The following CSMD1 variants were observed in gnomAD, a reference collection of about 807,000 sequenced individuals.
CSMD1 encodes CUB and Sushi multiple domains 1, also known as CUB and sushi domain-containing protein 1.
CSMD1 carries 213 observed loss-of-function variants against 417.5 expected under a neutral mutation model. The observed-to-expected ratio is 0.51, with a 90% CI of 0.46 to 0.57. The LOEUF is 0.57. CSMD1 is among the 20% of genes least tolerant of loss of function. The pLI is 0.00. For missense variants in CSMD1, 6,923 were observed against 4,529.7 expected (o/e 1.53, Z -15.17); for synonymous variants, 2,862 against 1,736.8 (o/e 1.65, Z -16.11).
chr8:4,849,150 G>C (rs192568937), intron 1 of CSMD1, among the ~76,000 whole-genome samples: 32 of 152,166 alleles, frequency 2.1e-4, no homozygotes, highest in African/African-American at 7.2e-4. Flanking sequence ...TTGTGTCTTA[G>C]CTTTTAACAA....
chr8:3,616,199 A>C (rs2019886), intron 8 of CSMD1, among the ~76,000 whole-genome samples: 77,140 of 151,992 alleles, frequency 0.51, 19,910 homozygotes, highest in Middle Eastern at 0.59. Context: ...TAGCATCCAT[A>C]ATCTCCACAT....
At chr8:4,402,183 CA>C (rs1235479764) in intron 3 of CSMD1, among the ~76,000 whole-genome samples, 2 of 152,108 alleles carry the variant, frequency 1.3e-5, no homozygotes, top group African/African-American at 4.8e-5. Flanking sequence ...TCTACTTCTC[CA>C]AAATTGCGAC....
chr8:3,276,431 T>A (rs543730378), intron 26 of CSMD1, among the ~76,000 whole-genome samples: 7 of 152,314 alleles, frequency 4.6e-5, no homozygotes, highest in Non-Finnish European at 8.8e-5. Flanking sequence ...CGACTGCAAG[T>A]CACATCTTAC....
intron 5 of CSMD1, among the ~76,000 whole-genome samples, chr8:3,991,373 T>G (rs143596618): frequency 5.4e-4 from 83 of 152,304 alleles, no homozygotes; most frequent in Middle Eastern, 3.4e-3. Context: ...AAGACTTCAG[T>G]GCGTCACGGT....
intron 5 of CSMD1, among the ~76,000 whole-genome samples, chr8:3,948,256 G>T (rs933370141): frequency 1.3e-5 from 2 of 152,004 alleles, no homozygotes; most frequent in Admixed American, 6.6e-5. Flanking sequence ...CATAGTATGT[G>T]CTATATATAT....
chr8:3,894,652 A>C (rs1048588300), intron 5 of CSMD1, among the ~76,000 whole-genome samples: 5 of 152,196 alleles, frequency 3.3e-5, no homozygotes, highest in African/African-American at 1.2e-4. Flanking sequence ...CTTCACTATT[A>C]ACCTAACAAG....
intron 4 of CSMD1, among the ~76,000 whole-genome samples, chr8:4,016,288 AG>A: frequency 6.6e-6 from 1 of 152,250 alleles, no homozygotes; most frequent in South Asian, 2.1e-4. Flanking sequence ...AGATTCCAGT[AG>A]ATGGAAATAG....
chr8:4,527,637 A>G (rs115517691), intron 2 of CSMD1, among the ~76,000 whole-genome samples: 163 of 152,318 alleles, frequency 1.1e-3, no homozygotes, highest in African/African-American at 3.7e-3. Flanking sequence ...TCCCAGAACT[A>G]TAGATAAAAT....
In CSMD1 at chr8:4,493,659, T is replaced by C. The variant is rs544876903; in HGVS notation, c.303-73594A>G. 9.8e-5 allele frequency among the ~76,000 whole-genome samples: 15 copies of C among 152,322 alleles called. No homozygotes were observed. The South Asian group carries it at 1.2e-3, about 13-fold the overall frequency. ...GGAGTGAGCTATGAGCGTGCCAATG[T>C]ACTCCAGATCGAGTGAGAGAGTGCA... On this transcript the variant is annotated intron_variant, in intron 2 of 69. Transcript: ENST00000635120.
intron 5 of CSMD1, among the ~76,000 whole-genome samples, chr8:3,885,850 G>C (rs1401322187): frequency 6.6e-6 from 1 of 152,068 alleles, no homozygotes; most frequent in African/African-American, 2.4e-5. Flanking sequence ...ACGTCTCTGT[G>C]AACAAAACAA....
chr8:3,963,062 C>A (rs1215623195), intron 5 of CSMD1, among the ~76,000 whole-genome samples: 1 of 152,010 alleles, frequency 6.6e-6, no homozygotes. Flanking sequence ...TCAGGAGTAG[C>A]TGAGATTACA....
chr8:3,944,298 AG>A (rs1563238064), intron 5 of CSMD1, among the ~76,000 whole-genome samples: 1 of 152,120 alleles, frequency 6.6e-6, no homozygotes, highest in Non-Finnish European at 1.5e-5. Flanking sequence ...TGTCAGTTTG[AG>A]CCCCGGATAA....
chr8:3,561,541 T>G (rs565760576), intron 10 of CSMD1, among the ~76,000 whole-genome samples: 1 of 152,152 alleles, frequency 6.6e-6, no homozygotes, highest in Non-Finnish European at 1.5e-5. Flanking sequence ...AAATACCACA[T>G]GTTCTCGATT....
chr8:4,269,318 C>A (rs570268649), intron 3 of CSMD1, among the ~76,000 whole-genome samples: 1 of 152,144 alleles, frequency 6.6e-6, no homozygotes, highest in Non-Finnish European at 1.5e-5. Flanking sequence ...CCCGCACTGG[C>A]CTCCCCCAAA....
chr8:4,576,056 T>A (rs1224142253), intron 2 of CSMD1, among the ~76,000 whole-genome samples: 1 of 152,216 alleles, frequency 6.6e-6, no homozygotes, highest in East Asian at 1.9e-4. Context: ...CAACATCCAC[T>A]CTTCTCTCAC....
intron 3 of CSMD1, among the ~76,000 whole-genome samples, chr8:4,383,433 G>C (rs1803236656): frequency 6.6e-6 from 1 of 152,178 alleles, no homozygotes; most frequent in African/African-American, 2.4e-5. Flanking sequence ...AGTCCAGCCA[G>C]ATACCATGAA....
At chr8:3,741,038 A>G (rs2129050308) in intron 6 of CSMD1, among the ~76,000 whole-genome samples, 2 of 151,946 alleles carry the variant, frequency 1.3e-5, no homozygotes, top group East Asian at 3.9e-4. Flanking sequence ...AACATGGTCA[A>G]ACTCCGTCTC....
chr8:3,436,243 T>C (rs559980920), intron 12 of CSMD1, among the ~76,000 whole-genome samples: 5 of 152,328 alleles, frequency 3.3e-5, no homozygotes, highest in African/African-American at 1.2e-4. Context: ...AAAATTAAAA[T>C]GTGACATGAG....
chr8:4,358,478 C>T lies in CSMD1; in HGVS notation c.415+61475G>A, dbSNP rs150290207. Among the ~76,000 whole-genome samples, 1,209 of 152,296 alleles carry T rather than the reference C, an allele frequency of 7.9e-3. 6 individuals carry two copies. The highest frequency in any genetic ancestry group is 0.018 in the East Asian group (92 of 5,182). ...GGGGGGAGCTGCCACTGGCTCCTTT[C>T]CACAAGGTGTATGTCTCCTTTTGCG... is the stretch of plus-strand genomic sequence containing the variant. On this transcript the variant is annotated intron_variant, in intron 3 of 69. Transcript: ENST00000635120.
Sources: allele counts gnomAD v4.1 joint callset (sites outside exome capture counted in the v4.1 genomes callset), GRCh38; gene constraint gnomAD v4.1.1; transcripts MANE v1.5; gene names NCBI Gene and HGNC (gene_info 2026-07-23, HGNC 2026-07-21).